ZNF618: variants seen among roughly 807,000 people sequenced by gnomAD.
ZNF618 encodes zinc finger protein 618, also known as neural precursor cell expressed, developmentally down-regulated 10.
ZNF618 carries 34 observed loss-of-function variants against 103.0 expected under a neutral mutation model. The ratio of observed to expected loss-of-function variants is 0.33; its 90% CI spans 0.25 to 0.44. The LOEUF (loss-of-function observed/expected upper bound fraction) is 0.44. Ranked by LOEUF, ZNF618 falls within the 20% of genes least tolerant of loss-of-function variation. The probability of loss-of-function intolerance (pLI) is 1.00; values close to 1 mark genes in which losing one functional copy is unlikely to be tolerated. For synonymous variants in ZNF618, 551 were observed against 542.2 expected, an observed-to-expected ratio of 1.02 and a Z score of -0.23; for missense variants, 1,059 against 1,295.4, an observed-to-expected ratio of 0.82 and a Z score of 2.80.
intron 12 of ZNF618, chr9:114,035,098 A>G (rs1021168653): frequency 1.1e-6 from 1 of 909,098 alleles, no homozygotes; most frequent in African/African-American, 1.8e-5. Context: ...TGAAAGCCCC[A>G]TCTGGCTCAC....
intron 1 of ZNF618, among the ~76,000 whole-genome samples, chr9:113,966,938 G>A (rs898592050): frequency 6.6e-6 from 1 of 152,230 alleles, no homozygotes; most frequent in Admixed American, 6.5e-5. Flanking sequence ...CCAGTAACAC[G>A]AAGCTGAAGT....
At chr9:114,026,832 A>T (rs961835892) in intron 10 of ZNF618, among the ~76,000 whole-genome samples, 3 of 152,126 alleles carry the variant, frequency 2.0e-5, no homozygotes, top group African/African-American at 7.2e-5. Context: ...GAGACTTGCT[A>T]TGTGGAGAGG....
intron 10 of ZNF618, among the ~76,000 whole-genome samples, chr9:114,025,271 G>A (rs2134104065): frequency 6.6e-6 from 1 of 152,368 alleles, no homozygotes; most frequent in East Asian, 1.9e-4. Flanking sequence ...CTCCAATGCA[G>A]TTTCATCCTC....
At chr9:113,985,774 A>G (rs980371561) in intron 2 of ZNF618, among the ~76,000 whole-genome samples, 3 of 152,182 alleles carry the variant, frequency 2.0e-5, no homozygotes, top group African/African-American at 7.2e-5. Flanking sequence ...TACCACCCAC[A>G]TGACTTTGGG....
At chr9:113,896,624 T>C (rs1276524318) in intron 1 of ZNF618, among the ~76,000 whole-genome samples, 2 of 152,064 alleles carry the variant, frequency 1.3e-5, no homozygotes, top group Non-Finnish European at 2.9e-5. Context: ...TATCATTGAC[T>C]TTATTAATTG....
At chr9:113,952,718 G>A (rs1439287009) in intron 1 of ZNF618, among the ~76,000 whole-genome samples, 2 of 152,210 alleles carry the variant, frequency 1.3e-5, no homozygotes, top group Non-Finnish European at 2.9e-5. Flanking sequence ...ACTCTGAGAA[G>A]TCTCAGGAAA....
intron 2 of ZNF618, among the ~76,000 whole-genome samples, chr9:113,984,223 G>A (rs146124879): frequency 5.1e-4 from 77 of 152,282 alleles, no homozygotes; most frequent in African/African-American, 1.8e-3. Context: ...GGACACAATG[G>A]GAGGATGGCT....
In ZNF618 at chr9:114,049,438, C is replaced by T. The variant is rs757059198; in HGVS notation, c.2136C>T (p.Cys712=). Residue 712 remains cysteine (C), a synonymous_variant, in exon 15 of 15, where the codon TGC becomes TGT. Coordinates refer to ENST00000374126, the MANE Select transcript of ZNF618 (RefSeq NM_001318042.2). ...TGCATGAGCGCTATGAGCAGATCTGCGAGTTCTACAGCCGGGCCAAGAAGA... is the reference window on the plus strand; with the variant it reads ...TGCATGAGCGCTATGAGCAGATCTGTGAGTTCTACAGCCGGGCCAAGAAGA... ...LLVHERYEQI[C]EFYSRAKKMN... is the part of the protein sequence containing the mutation. 2.4e-5 allele frequency: 38 copies of T among 1,605,944 alleles called. No homozygotes were observed. The Middle Eastern group carries it at 6.6e-4, about 28-fold the overall frequency.
At chr9:113,920,112 C>A (rs1348494756) in intron 1 of ZNF618, among the ~76,000 whole-genome samples, 1 of 152,194 alleles carries the variant, frequency 6.6e-6, no homozygotes, top group Non-Finnish European at 1.5e-5. Context: ...TGGAAGAGAT[C>A]CCAGGTATCC....
intron 2 of ZNF618, among the ~76,000 whole-genome samples, chr9:113,987,111 C>G (rs1173260322): frequency 1.3e-5 from 2 of 152,178 alleles, no homozygotes; most frequent in Non-Finnish European, 2.9e-5. Context: ...ATGGCCAGGG[C>G]AGTGTCTCTG....
At chr9:113,990,012 A>G (rs988701317) in intron 3 of ZNF618, among the ~76,000 whole-genome samples, 1 of 152,084 alleles carries the variant, frequency 6.6e-6, no homozygotes, top group African/African-American at 2.4e-5. Flanking sequence ...CATAACCTGA[A>G]CCTTCTAGCC....
chr9:114,000,469 A>AT (rs1387394332), intron 4 of ZNF618, among the ~76,000 whole-genome samples: 1 of 148,246 alleles, frequency 6.7e-6, no homozygotes, highest in Non-Finnish European at 1.5e-5. Flanking sequence ...TTCTTAAAAC[A>AT]TTGTAAGTCT....
At chr9:114,006,870 C>T (rs923170355) in intron 6 of ZNF618, among the ~76,000 whole-genome samples, 2 of 152,160 alleles carry the variant, frequency 1.3e-5, no homozygotes, top group African/African-American at 4.8e-5. Flanking sequence ...GGCTGTTCAC[C>T]AGAGGCCACC....
At chr9:113,977,066 G>T (rs1051860175) in intron 2 of ZNF618, among the ~76,000 whole-genome samples, 9 of 152,290 alleles carry the variant, frequency 5.9e-5, no homozygotes, top group African/African-American at 1.9e-4. Flanking sequence ...CCAGGGCTGA[G>T]TTCTCACTCT....
chr9:113,999,196 G>A (rs1316106771), intron 4 of ZNF618, among the ~76,000 whole-genome samples: 1 of 152,072 alleles, frequency 6.6e-6, no homozygotes, highest in African/African-American at 2.4e-5. Context: ...TGAGCGAGGC[G>A]CAGGTGGGGG....
chr9:113,972,914 C>G (rs1838115080), intron 2 of ZNF618, among the ~76,000 whole-genome samples: 1 of 152,034 alleles, frequency 6.6e-6, no homozygotes, highest in South Asian at 2.1e-4. Context: ...TTAAAAAATA[C>G]AAAAATTAGC....
At chr9:113,948,482 G>A (rs1835259135) in intron 1 of ZNF618, among the ~76,000 whole-genome samples, 1 of 152,226 alleles carries the variant, frequency 6.6e-6, no homozygotes, top group South Asian at 2.1e-4. Flanking sequence ...CTTTGCAGTT[G>A]TTGCATCAGA....
In ZNF618 at chr9:113,967,062, G is replaced by A. The variant is rs115537920; in HGVS notation, c.34-2055G>A. 1.5e-3 allele frequency among the ~76,000 whole-genome samples: 224 copies of A among 152,312 alleles called. 1 individual carries two copies. Among genetic ancestry groups the A allele is most frequent in the African/African-American group, 5.1e-3 (211 of 41,566 alleles). On this transcript the variant is annotated intron_variant, in intron 1 of 14. Coordinates refer to ENST00000374126, the MANE Select transcript of ZNF618 (RefSeq NM_001318042.2). ...TGCTGCACTTGAGCTGGTCAACTCT[G>A]TGTGAAATTGTGAAGGAAAAGGACA...
At chr9:113,990,639 C>T (rs1363741809) in intron 3 of ZNF618, among the ~76,000 whole-genome samples, 1 of 152,202 alleles carries the variant, frequency 6.6e-6, no homozygotes, top group Non-Finnish European at 1.5e-5. Flanking sequence ...AGGGAAAGCA[C>T]GCTGTGGAGA....
Sources: allele counts gnomAD v4.1 joint callset (sites outside exome capture counted in the v4.1 genomes callset), GRCh38; gene constraint gnomAD v4.1.1; transcripts MANE v1.5; gene names NCBI Gene and HGNC (gene_info 2026-07-23, HGNC 2026-07-21).